The following P2RY8 variants were observed in gnomAD, a reference collection of about 807,000 sequenced individuals.
The protein encoded by P2RY8 is P2Y receptor family member 8, also known as S-geranylgeranyl-glutathione receptor P2RY8.
Under a neutral mutation model 10.0 loss-of-function variants are expected in P2RY8, and 6 were observed. The ratio of observed to expected loss-of-function variants is 0.60; its 90% CI spans 0.33 to 1.19. The LOEUF is 1.19. Among genes scored for constraint, P2RY8 ranks in the 50% most tolerant of loss-of-function variants. The probability of loss-of-function intolerance (pLI) is 0.04; values close to 1 mark genes in which losing one functional copy is unlikely to be tolerated. For synonymous variants in P2RY8, 276 were observed against 252.5 expected (o/e 1.09, Z -0.88); for missense variants, 456 against 542.0 (o/e 0.84, Z 1.58).
chrX:1,483,173 C>A (rs1299453666), intron 1 of P2RY8, among the ~76,000 whole-genome samples: 1 of 152,154 alleles, frequency 6.6e-6, no homozygotes, highest in Non-Finnish European at 1.5e-5. Context: ...CCTTAGGATA[C>A]TTTAATTGTG....
chrX:1,517,309 G>A (rs2092358813), intron 1 of P2RY8, among the ~76,000 whole-genome samples: 1 of 152,124 alleles, frequency 6.6e-6, no homozygotes, highest in Non-Finnish European at 1.5e-5. Context: ...ACAAGCCCAG[G>A]AGAGAGGCCT....
intron 1 of P2RY8, among the ~76,000 whole-genome samples, chrX:1,493,461 G>GGGGGA (rs1569537411): frequency 9.1e-6 from 1 of 110,222 alleles, no homozygotes. Flanking sequence ...AGGAAGGAGG[G>GGGGGA]AGGAGGGAGG....
At chrX:1,468,940 TCCTCTCCCCTCTCCCCTCTCC>T (rs1367484275) in intron 1 of P2RY8, among the ~76,000 whole-genome samples, 3 of 610 alleles carry the variant, frequency 4.9e-3, no homozygotes, top group Non-Finnish European at 5.1e-3. Context: ...CTTCCCTCTC[TCCTCTCCCCTCTCCCCTCTCC>T]CCTCTCCCCT....
At chrX:1,475,610 G>A (rs1252964696) in intron 1 of P2RY8, among the ~76,000 whole-genome samples, 3 of 151,398 alleles carry the variant, frequency 2.0e-5, no homozygotes, top group Non-Finnish European at 4.4e-5. Flanking sequence ...ATTAGAGAAA[G>A]CGTCATCATA....
chrX:1,532,323 C>CAT (rs374485539), intron 1 of P2RY8, among the ~76,000 whole-genome samples: 124,066 of 145,384 alleles, frequency 0.85, 53,230 homozygotes, highest in East Asian at 0.97. Context: ...TATACACACA[C>CAT]GTATATATAC....
chrX:1,507,884 C>T (rs1257384999), intron 1 of P2RY8, among the ~76,000 whole-genome samples: 1 of 152,236 alleles, frequency 6.6e-6, no homozygotes, highest in East Asian at 1.9e-4. Context: ...TGTAAAGGCA[C>T]GCCTGAATCA....
chrX:1,521,755 G>C (rs1233243683), intron 1 of P2RY8, among the ~76,000 whole-genome samples: 1 of 150,666 alleles, frequency 6.6e-6, no homozygotes, highest in Non-Finnish European at 1.5e-5. Flanking sequence ...TGGGTATTTG[G>C]TGGTATTTGG....
At chrX:1,508,660 CTGTA>C (rs2092256668) in intron 1 of P2RY8, among the ~76,000 whole-genome samples, 2 of 140,904 alleles carry the variant, frequency 1.4e-5, no homozygotes, top group Non-Finnish European at 3.2e-5. Flanking sequence ...TCTATCTATC[CTGTA>C]TGTATTTATC....
At chrX:1,531,487 G>A (rs1318304087) in intron 1 of P2RY8, among the ~76,000 whole-genome samples, 2 of 152,148 alleles carry the variant, frequency 1.3e-5, no homozygotes, top group African/African-American at 4.8e-5. Flanking sequence ...CGAGGGGTTA[G>A]CATGCTCAGC....
intron 1 of P2RY8, among the ~76,000 whole-genome samples, chrX:1,529,323 A>G (rs2092458519): frequency 6.6e-6 from 1 of 152,036 alleles, no homozygotes. Flanking sequence ...GACCCAGCCC[A>G]TTCTCTCCCT....
chrX:1,534,758 G>A (rs73188708), intron 1 of P2RY8, among the ~76,000 whole-genome samples: 15,551 of 152,116 alleles, frequency 0.1, 872 homozygotes, highest in African/African-American at 0.12. Flanking sequence ...AGGGCTGTAC[G>A]TATGCACCAC....
intron 1 of P2RY8, among the ~76,000 whole-genome samples, chrX:1,513,429 C>T (rs1381796457): frequency 2.0e-5 from 3 of 152,166 alleles, no homozygotes; most frequent in African/African-American, 7.2e-5. Context: ...GGGGAGGATC[C>T]CTCCTGCCTC....
At chrX:1,509,374 T>TCCA (rs1556682675) in intron 1 of P2RY8, among the ~76,000 whole-genome samples, 4 of 131,100 alleles carry the variant, frequency 3.1e-5, no homozygotes, top group Admixed American at 7.8e-5. Context: ...CATCCATCTA[T>TCCA]TCTATCTATC....
At chrX:1,469,476 C>G (rs769630902) in intron 1 of P2RY8, among the ~76,000 whole-genome samples, 58 of 152,112 alleles carry the variant, frequency 3.8e-4, no homozygotes, top group African/African-American at 1.2e-3. Flanking sequence ...CAGGTTGGAC[C>G]CTTTTTCTTA....
chrX:1,504,525 G>T (rs1437389843), intron 1 of P2RY8, among the ~76,000 whole-genome samples: 2 of 152,060 alleles, frequency 1.3e-5, no homozygotes, highest in African/African-American at 2.4e-5. Flanking sequence ...CCACGTGCTG[G>T]AAACTTCCCT....
rs1372890342 is a variant in P2RY8, at chrX:1,536,911, G to A, written c.-25+10C>T. 4 of 222,692 alleles carry A rather than the reference G, an allele frequency of 1.8e-5. No individual in the cohort carries two copies. Among genetic ancestry groups the A allele is most frequent in the Non-Finnish European group, 3.6e-5 (4 of 111,704 alleles). 13.8% of individuals were successfully genotyped at this position (222,692 alleles called of 1,614,324 possible). A position where few individuals can be genotyped will look rare whatever the true frequency, so the allele number is the denominator to read the frequency against. ...CAGGACAAGCATAAAAGTCCAGCTC[G>A]GCGGCTCACCTGTGCAGAAGCAGCG... is the stretch of plus-strand genomic sequence containing the variant. On this transcript the variant is annotated intron_variant, in intron 1 of 1. Transcript: ENST00000381297.
At position 1,467,966 on chromosome X, in the gene P2RY8, C is replaced by T. The variant is rs753976644; in HGVS notation, c.-24-1384G>A. On this transcript the variant is annotated intron_variant, in intron 1 of 1. Transcript: ENST00000381297. ...GTAGCTGGGACTACAGGTGACAGTA[C>T]CTCCGTGCCCAGCTAACATTTTTAT... Among the ~76,000 whole-genome samples, 7 of 148,682 alleles carry T rather than the reference C, an allele frequency of 4.7e-5. No homozygotes were observed. In the South Asian group the frequency reaches 1.5e-3, roughly 32 times the overall value.
At chrX:1,509,481 A>G (rs1391587560) in intron 1 of P2RY8, among the ~76,000 whole-genome samples, 1 of 133,888 alleles carries the variant, frequency 7.5e-6, no homozygotes, top group African/African-American at 3.0e-5. Flanking sequence ...TCTATCATCT[A>G]TGCATCCATC....
Position 1,465,138 on chromosome X carries a change from C to A in P2RY8, c.*341G>T. Reference sequence around the variant, plus strand: ...TGTCTAAGGAGCTCGGGGGTGACAGCCCAGCTCTACTAAAAAAAATACAAA... The same window carrying A: ...TGTCTAAGGAGCTCGGGGGTGACAGACCAGCTCTACTAAAAAAAATACAAA... On this transcript the variant is annotated 3_prime_UTR_variant, in exon 2 of 2. Coordinates refer to ENST00000381297, the MANE Select transcript of P2RY8 (RefSeq NM_178129.5). The A allele has an allele frequency of 2.5e-6, 1 of 402,230 alleles. No homozygotes were observed. The highest frequency in any genetic ancestry group is 4.1e-5 in the East Asian group (1 of 24,510). The allele number at this position is 402,230 out of a possible 1,614,324, so 24.9% of individuals were successfully genotyped here.
Sources: gnomAD v4.1 joint callset for allele counts (sites outside exome capture counted in the v4.1 genomes callset) on GRCh38, gnomAD v4.1.1 for gene constraint, MANE v1.5 for transcripts, NCBI Gene and HGNC (gene_info 2026-07-23, HGNC 2026-07-21) for gene names.